TRPS1: variants seen among roughly 807,000 people sequenced by gnomAD.
TRPS1 encodes transcriptional repressor GATA binding 1, also known as zinc finger transcription factor Trps1.
TRPS1 carries 6 observed loss-of-function variants against 101.2 expected under a neutral mutation model. The ratio of observed to expected loss-of-function variants is 0.06; its 90% CI spans 0.03 to 0.12. The LOEUF (loss-of-function observed/expected upper bound fraction) is 0.12. Ranked by LOEUF, TRPS1 falls within the 10% of genes least tolerant of loss-of-function variation. TRPS1 has a pLI of 1.00. For missense variants in TRPS1, 1,363 were observed against 1,567.0 expected (o/e 0.87, Z 2.20); for synonymous variants, 578 against 589.8 (o/e 0.98, Z 0.29).
intron 1 of TRPS1, among the ~76,000 whole-genome samples, chr8:115,642,861 TATAA>T (rs201137592): frequency 7.6e-6 from 1 of 131,128 alleles, no homozygotes; most frequent in Non-Finnish European, 1.7e-5. Context: ...TATATATATA[TATAA>T]ATATATATAT....
At chr8:115,533,445 T>TTTTGTTTTTG (rs1816194870) in intron 5 of TRPS1, among the ~76,000 whole-genome samples, 1 of 127,706 alleles carries the variant, frequency 7.8e-6, no homozygotes, top group Admixed American at 7.7e-5. Flanking sequence ...TGTTTTTTTT[T>TTTTGTTTTTG]TTTTTTTTTT....
At chr8:115,558,053 C>T (rs1586400755) in intron 5 of TRPS1, among the ~76,000 whole-genome samples, 1 of 148,192 alleles carries the variant, frequency 6.7e-6, no homozygotes, top group Non-Finnish European at 1.5e-5. Flanking sequence ...TTTCTAATTA[C>T]GAGGACAGTT....
At chr8:115,440,373 T>A (rs1036172890) in intron 5 of TRPS1, among the ~76,000 whole-genome samples, 1 of 152,182 alleles carries the variant, frequency 6.6e-6, no homozygotes, top group African/African-American at 2.4e-5. Flanking sequence ...TCAAAGGGAA[T>A]TCTTGCATTT....
chr8:115,432,639 A>G (rs1268371537), intron 5 of TRPS1, among the ~76,000 whole-genome samples: 1 of 151,974 alleles, frequency 6.6e-6, no homozygotes, highest in Non-Finnish European at 1.5e-5. Flanking sequence ...TGTGCCTGCT[A>G]TATAAAAGTA....
At chr8:115,440,984 T>TA (rs1218259485) in intron 5 of TRPS1, among the ~76,000 whole-genome samples, 35 of 151,506 alleles carry the variant, frequency 2.3e-4, no homozygotes, top group Admixed American at 7.2e-4. Flanking sequence ...TTTGCTTTGC[T>TA]AAAAAAAAAC....
intron 5 of TRPS1, among the ~76,000 whole-genome samples, chr8:115,458,018 G>C (rs954962809): frequency 1.6e-4 from 25 of 152,054 alleles, no homozygotes; most frequent in African/African-American, 6.0e-4. Flanking sequence ...GACTAAGCAG[G>C]GACAATGAAA....
Position 115,471,607 on chromosome 8 carries a change from A to C in TRPS1, c.2701-53155T>G, listed in dbSNP as rs188823206. On this transcript the variant is annotated intron_variant, in intron 5 of 6. Coordinates refer to ENST00000395715, the MANE Select transcript of TRPS1 (RefSeq NM_014112.5). ...AATCATGACTTCCCAACAGTTCCCC[A>C]ATGTCTTATCCAGCATTAACCCAAA... Among the ~76,000 whole-genome samples the C allele has an allele frequency of 5.2e-3, 787 of 152,230 alleles. 3 individuals carry two copies. The highest frequency in any genetic ancestry group is 8.3e-3 in the Admixed American group (127 of 15,300).
intron 5 of TRPS1, among the ~76,000 whole-genome samples, chr8:115,563,712 T>C (rs1044284021): frequency 6.6e-6 from 1 of 152,096 alleles, no homozygotes; most frequent in Non-Finnish European, 1.5e-5. Flanking sequence ...CCTCCTAAAG[T>C]CTTTACTGTA....
chr8:115,497,235 T>G (rs1815170189), intron 5 of TRPS1, among the ~76,000 whole-genome samples: 1 of 152,174 alleles, frequency 6.6e-6, no homozygotes, highest in African/African-American at 2.4e-5. Flanking sequence ...AAACTGTTCC[T>G]CCTCAGATCA....
intron 5 of TRPS1, among the ~76,000 whole-genome samples, chr8:115,429,939 A>G (rs991052073): frequency 5.3e-5 from 8 of 152,118 alleles, no homozygotes; most frequent in African/African-American, 1.7e-4. Flanking sequence ...GAAGTAATAT[A>G]GATTTTTTAA....
Position 115,409,277 on chromosome 8 carries a change from A to AAAC in TRPS1, c.*4745_*4746insGTT, listed in dbSNP as rs1292361811. 1 of 149,828 alleles carries AAAC rather than the reference A, an allele frequency of 6.7e-6. No individual in the cohort carries two copies. The highest frequency in any genetic ancestry group is 2.4e-5 in the African/African-American group (1 of 41,052). 9.3% of individuals were successfully genotyped at this position (149,828 alleles called of 1,614,324 possible). A position where few individuals can be genotyped will look rare whatever the true frequency, so the allele number is the denominator to read the frequency against. On this transcript the variant is annotated 3_prime_UTR_variant, in exon 7 of 7. Transcript: ENST00000395715. ...ATATGTTGGGAAAAAAAAAAAAAAA[A>AAAC]AAAACAGGGGAAAACCAGAATTGAG...
At chr8:115,492,414 T>C (rs903027398) in intron 5 of TRPS1, among the ~76,000 whole-genome samples, 2 of 152,016 alleles carry the variant, frequency 1.3e-5, no homozygotes, top group African/African-American at 2.4e-5. Flanking sequence ...CAAAAGTTAC[T>C]GAATACAACA....
At chr8:115,616,617 G>A (rs1818282134) in intron 3 of TRPS1, among the ~76,000 whole-genome samples, 1 of 151,054 alleles carries the variant, frequency 6.6e-6, no homozygotes, top group African/African-American at 2.4e-5. Context: ...TAATTGAAAA[G>A]GATTAATGAA....
intron 1 of TRPS1, among the ~76,000 whole-genome samples, chr8:115,660,270 T>C (rs1032854548): frequency 6.6e-6 from 1 of 152,066 alleles, no homozygotes; most frequent in African/African-American, 2.4e-5. Flanking sequence ...TTAATGTTTA[T>C]TGATTTGTAA....
chr8:115,535,408 C>CATATATAGTGCAT lies in TRPS1; in HGVS notation c.2700+51580_2700+51592dup, dbSNP rs146154903. Among the ~76,000 whole-genome samples, 4 of 146,360 alleles carry CATATATAGTGCAT rather than the reference C, an allele frequency of 2.7e-5. No individual in the cohort carries two copies. The East Asian group carries it at 6.0e-4, about 22-fold the overall frequency. ...GCACATATATAGCGCATATATATAG[C>CATATATAGTGCAT]ATATATAGTGCATATATATAGTGCA... On this transcript the variant is annotated intron_variant, in intron 5 of 6. Coordinates refer to ENST00000395715, the MANE Select transcript of TRPS1 (RefSeq NM_014112.5).
At chr8:115,623,307 T>TA (rs901763622) in intron 2 of TRPS1, among the ~76,000 whole-genome samples, 31 of 152,082 alleles carry the variant, frequency 2.0e-4, no homozygotes, top group African/African-American at 5.1e-4. Flanking sequence ...TGCTGTTTTT[T>TA]AAAAAAATGT....
At chr8:115,590,353 T>C (rs1817653626) in intron 4 of TRPS1, among the ~76,000 whole-genome samples, 1 of 152,190 alleles carries the variant, frequency 6.6e-6, no homozygotes, top group African/African-American at 2.4e-5. Context: ...TTGTGGTTCC[T>C]TGACATGGTG....
intron 5 of TRPS1, among the ~76,000 whole-genome samples, chr8:115,558,824 A>G (rs1241921068): frequency 6.6e-6 from 1 of 152,186 alleles, no homozygotes; most frequent in African/African-American, 2.4e-5. Flanking sequence ...TGATAAAACA[A>G]CTGCTATAAC....
rs555600079 is a variant in TRPS1 at position 115,490,766 on chromosome 8, G to A, written c.2701-72314C>T. ...ATCTTCTTAAGAATCTTACCTTTAAGTTAATATCAAGGACTAGAAAAATGT... is the reference window on the plus strand; with the variant it reads ...ATCTTCTTAAGAATCTTACCTTTAAATTAATATCAAGGACTAGAAAAATGT... On this transcript the variant is annotated intron_variant, in intron 5 of 6. Coordinates refer to ENST00000395715, the MANE Select transcript of TRPS1 (RefSeq NM_014112.5). Among the ~76,000 whole-genome samples, 258 of 152,182 alleles carry A rather than the reference G, an allele frequency of 1.7e-3. 1 individual carries two copies. Among genetic ancestry groups the A allele is most frequent in the Non-Finnish European group, 3.4e-3 (229 of 67,996 alleles).
Sources: gnomAD v4.1 joint callset for allele counts (sites outside exome capture counted in the v4.1 genomes callset) on GRCh38, gnomAD v4.1.1 for gene constraint, MANE v1.5 for transcripts, NCBI Gene and HGNC (gene_info 2026-07-23, HGNC 2026-07-21) for gene names.